The following CELF1 variants were observed in gnomAD, a reference collection of about 807,000 sequenced individuals.
The protein encoded by CELF1 is CUGBP Elav-like family member 1.
Under a neutral mutation model 61.8 loss-of-function variants are expected in CELF1, and 10 were observed. That is an observed-to-expected ratio of 0.16 (90% confidence interval 0.10 to 0.27). The LOEUF is 0.27. Among genes scored for constraint, CELF1 ranks in the 10% least tolerant of loss-of-function variants. The pLI, the probability that CELF1 is intolerant of heterozygous loss-of-function variation, is 1.00. For synonymous variants in CELF1, 236 were observed against 225.1 expected (o/e 1.05, Z -0.43); for missense variants, 380 against 639.1 (o/e 0.59, Z 4.37).
At chr11:47,562,850 G>A (rs933233839) in intron 2 of CELF1, among the ~76,000 whole-genome samples, 2 of 151,890 alleles carry the variant, frequency 1.3e-5, no homozygotes, top group Non-Finnish European at 2.9e-5. Flanking sequence ...GATTACAGGC[G>A]CCCACTATTA....
chr11:47,487,006 C>A (rs1465776719), intron 5 of CELF1, among the ~76,000 whole-genome samples, 153 bp downstream of exon 5: 1 of 152,190 alleles, frequency 6.6e-6, no homozygotes, highest in East Asian at 1.9e-4. Flanking sequence ...GTCAGGTAAT[C>A]TCTGAACTGC....
chr11:47,498,095 CATTTAA>C (rs2093423703), intron 3 of CELF1, among the ~76,000 whole-genome samples: 1 of 152,110 alleles, frequency 6.6e-6, no homozygotes, highest in Non-Finnish European at 1.5e-5. Flanking sequence ...CATAAAAAGA[CATTTAA>C]ATTACCGTAA....
chr11:47,477,617 C>CCTCA, intron 10 of CELF1, 192 bp from the exon 11 acceptor site: 1 of 539,998 alleles, frequency 1.9e-6, no homozygotes, highest in Non-Finnish European at 3.3e-6. Flanking sequence ...GAAATCATTT[C>CCTCA]CTCAGAGAAG....
At chr11:47,485,192 C>T (rs2085973993) in intron 6 of CELF1, among the ~76,000 whole-genome samples, 1 of 152,064 alleles carries the variant, frequency 6.6e-6, no homozygotes, top group Non-Finnish European at 1.5e-5. Flanking sequence ...GTATTGTTTC[C>T]TCTTTTTGAG....
intron 7 of CELF1, 65 bp from the exon 8 acceptor site, chr11:47,483,597 C>T: frequency 1.7e-6 from 2 of 1,201,142 alleles, no homozygotes; most frequent in East Asian, 2.3e-5. Context: ...TAACTGAGCA[C>T]CTACTATGTG....
chr11:47,559,136 C>G (rs957708255), intron 2 of CELF1, among the ~76,000 whole-genome samples: 24 of 148,016 alleles, frequency 1.6e-4, no homozygotes, highest in Non-Finnish European at 3.4e-4. Flanking sequence ...TGCTCTGTCT[C>G]CCAGGCTGGA....
At chr11:47,501,973 C>T (rs891925834) in intron 1 of CELF1, among the ~76,000 whole-genome samples, 13 of 152,134 alleles carry the variant, frequency 8.5e-5, no homozygotes, top group African/African-American at 3.1e-4. Flanking sequence ...TAACAAAAGA[C>T]TACTTAAATG....
intron 1 of CELF1, among the ~76,000 whole-genome samples, chr11:47,525,537 C>T (rs2096195114): frequency 6.6e-6 from 1 of 152,146 alleles, no homozygotes; most frequent in Non-Finnish European, 1.5e-5. Context: ...GTCTCAAACT[C>T]CTAGGTACAA....
chr11:47,552,642 G>C (rs943884802), intron 1 of CELF1, among the ~76,000 whole-genome samples: 1 of 152,238 alleles, frequency 6.6e-6, no homozygotes, highest in South Asian at 2.1e-4. Context: ...ACGGCAGCCA[G>C]AAAGACGAGG....
chr11:47,477,712 A>G (rs2080889824), intron 10 of CELF1: 2 of 309,232 alleles, frequency 6.5e-6, no homozygotes, highest in South Asian at 3.7e-5. Flanking sequence ...ACTGCCTACC[A>G]TAGGGCCAGG....
upstream of CELF1, among the ~76,000 whole-genome samples, chr11:47,556,533 A>G (rs1369976699): frequency 6.6e-6 from 1 of 152,180 alleles, no homozygotes; most frequent in Non-Finnish European, 1.5e-5. Flanking sequence ...GAGATTGATA[A>G]ATTATGGTTC....
At chr11:47,551,616 C>CT (rs1241580857) in intron 1 of CELF1, among the ~76,000 whole-genome samples, 1 of 152,190 alleles carries the variant, frequency 6.6e-6, no homozygotes, top group Non-Finnish European at 1.5e-5. Context: ...GCTGAAACTT[C>CT]CAAAGCGCTT....
chr11:47,537,483 G>A (rs1001471705), intron 1 of CELF1, among the ~76,000 whole-genome samples: 4 of 151,926 alleles, frequency 2.6e-5, no homozygotes, highest in East Asian at 1.9e-4. Flanking sequence ...TCCTGACCTC[G>A]TGATCCACCC....
At chr11:47,553,168 C>CGGGGAGGGCAGAGGAGGAG (rs2097186558), upstream of CELF1, 3 of 393,652 alleles carry the variant, frequency 7.6e-6, no homozygotes, top group South Asian at 1.3e-4. Context: ...CTACCACCGG[C>CGGGGAGGGCAGAGGAGGAG]GGGGAGGGCA....
intron 3 of CELF1, among the ~76,000 whole-genome samples, chr11:47,490,718 C>A (rs918928730): frequency 2.0e-5 from 3 of 151,892 alleles, no homozygotes; most frequent in Non-Finnish European, 4.4e-5. Flanking sequence ...AAGCACTGCA[C>A]CCAGCCAATG....
chr11:47,525,177 T>C (rs1396321943), intron 1 of CELF1, among the ~76,000 whole-genome samples: 1 of 152,206 alleles, frequency 6.6e-6, no homozygotes, highest in East Asian at 1.9e-4. Context: ...TCATTCCAAC[T>C]GTGTATGTTT....
chr11:47,554,657 A>G (rs556974446), upstream of CELF1, among the ~76,000 whole-genome samples: 30 of 146,552 alleles, frequency 2.0e-4, no homozygotes, highest in South Asian at 9.2e-4. Context: ...ATCATTATCT[A>G]ACACAGTTTT....
chr11:47,509,421 G>A (rs973945231), intron 1 of CELF1, among the ~76,000 whole-genome samples: 1 of 152,150 alleles, frequency 6.6e-6, no homozygotes, highest in Non-Finnish European at 1.5e-5. Context: ...GGGTGTGACG[G>A]TATACACCTG....
chr11:47,558,576 T>TATATATATTATATATAAATATATAA (rs1555194416), intron 2 of CELF1, among the ~76,000 whole-genome samples: 49 of 106,368 alleles, frequency 4.6e-4, no homozygotes, highest in Non-Finnish European at 6.5e-4. Context: ...AATATATAAA[T>TATATATATTATATATAAATATATAA]ATATATATAT....
Sources: allele counts gnomAD v4.1 joint callset (sites outside exome capture counted in the v4.1 genomes callset), GRCh38; gene constraint gnomAD v4.1.1; transcripts MANE v1.5; gene names NCBI Gene and HGNC (gene_info 2026-07-23, HGNC 2026-07-21).